Variants in KCNQ5 observed in about 807,000 individuals in gnomAD.
The protein encoded by KCNQ5 is potassium voltage-gated channel subfamily KQT member 5.
KCNQ5 carries 30 observed loss-of-function variants against 98.2 expected under a neutral mutation model. The ratio of observed to expected loss-of-function variants is 0.31; its 90% confidence interval spans 0.23 to 0.41. The LOEUF (loss-of-function observed/expected upper bound fraction) is 0.41. KCNQ5 is among the 10% of genes least tolerant of loss of function. The probability of loss-of-function intolerance (pLI) is 1.00; values close to 1 mark genes in which losing one functional copy is unlikely to be tolerated. For missense variants in KCNQ5, 835 were observed against 1,182.5 expected, an observed-to-expected ratio of 0.71 and a Z score of 4.31; for synonymous variants, 458 against 449.4, an observed-to-expected ratio of 1.02 and a Z score of -0.24.
At chr6:72,640,616 G>A (rs2098926706) in intron 1 of KCNQ5, 1 of 152,034 alleles carries the variant, frequency 6.6e-6, no homozygotes. Context: ...CTTTATTTTT[G>A]AGTGTATAGA....
intron 1 of KCNQ5, among the ~76,000 whole-genome samples, chr6:72,638,153 A>T (rs2098925259): frequency 6.6e-6 from 1 of 152,214 alleles, no homozygotes; most frequent in Non-Finnish European, 1.5e-5. Flanking sequence ...GTGGACTCCT[A>T]TACAGTAGTT....
intron 3 of KCNQ5, chr6:73,055,765 C>A: frequency 1.0e-6 from 1 of 986,946 alleles, no homozygotes; most frequent in Non-Finnish European, 1.6e-6. Context: ...ACTTGAAGCC[C>A]ATCAAGCCCA....
chr6:73,027,075 C>T (rs1471297291), intron 2 of KCNQ5, among the ~76,000 whole-genome samples: 3 of 152,098 alleles, frequency 2.0e-5, no homozygotes, highest in Non-Finnish European at 4.4e-5. Flanking sequence ...CCTTTGCTTC[C>T]CCAAAACTTG....
intron 1 of KCNQ5, among the ~76,000 whole-genome samples, chr6:72,679,714 A>T (rs967683784): frequency 6.8e-6 from 1 of 146,610 alleles, no homozygotes; most frequent in Non-Finnish European, 1.5e-5. Context: ...CCTAAAACTT[A>T]AAGTATAATA....
intron 1 of KCNQ5, among the ~76,000 whole-genome samples, chr6:72,980,174 C>T (rs1236836193): frequency 1.3e-5 from 2 of 151,940 alleles, no homozygotes; most frequent in Non-Finnish European, 2.9e-5. Context: ...TTTTTTGGTT[C>T]CATATGAACT....
Position 73,150,828 on chromosome 6 carries a change from A to ATGTG in KCNQ5, c.1468+17188_1468+17189insGTGT, listed in dbSNP as rs1229605427. Among the ~76,000 whole-genome samples, 318 of 35,272 alleles carry ATGTG rather than the reference A, an allele frequency of 9.0e-3. 2 individuals are homozygous for ATGTG. The highest frequency in any genetic ancestry group is 0.044 in the African/African-American group (305 of 6,876). The allele number at this position is 35,272 out of a possible 152,430, so 23.1% of individuals were successfully genotyped here. On this transcript the variant is annotated intron_variant, in intron 10 of 13. Transcript: ENST00000370398. ...AATGTAGTGTGGGAAGTGTATATAT[A>ATGTG]TATATGTGTGTGTGTGTGTGTGTAT...
intron 1 of KCNQ5, among the ~76,000 whole-genome samples, chr6:72,807,108 A>G (rs762588946): frequency 1.1e-4 from 17 of 152,060 alleles, no homozygotes; most frequent in Non-Finnish European, 2.1e-4. Flanking sequence ...TTTTGATGTC[A>G]GGAAGCCCTA....
At chr6:73,112,963 A>ATTTT (rs59707829) in intron 7 of KCNQ5, among the ~76,000 whole-genome samples, 1 of 149,438 alleles carries the variant, frequency 6.7e-6, no homozygotes. Context: ...ATTTTTTACA[A>ATTTT]TTTTTTTTTT....
chr6:72,643,713 C>T (rs1300366180), intron 1 of KCNQ5, among the ~76,000 whole-genome samples: 1 of 152,142 alleles, frequency 6.6e-6, no homozygotes, highest in Non-Finnish European at 1.5e-5. Flanking sequence ...GATACTCAAA[C>T]CTATCAATCT....
chr6:72,626,369 A>G (rs2098917977), intron 1 of KCNQ5, among the ~76,000 whole-genome samples: 1 of 152,248 alleles, frequency 6.6e-6, no homozygotes, highest in Non-Finnish European at 1.5e-5. Context: ...CAGCTTGAGT[A>G]AAGATATGGA....
At chr6:73,021,674 CT>C (rs1770612273) in intron 2 of KCNQ5, among the ~76,000 whole-genome samples, 1 of 152,148 alleles carries the variant, frequency 6.6e-6, no homozygotes, top group Non-Finnish European at 1.5e-5. Context: ...TTTTTCTCTC[CT>C]GTACTAATAG....
chr6:73,075,417 T>C (rs1325902543), intron 3 of KCNQ5, among the ~76,000 whole-genome samples: 1 of 152,068 alleles, frequency 6.6e-6, no homozygotes, highest in Non-Finnish European at 1.5e-5. Context: ...GAGACAGGGT[T>C]TCACCATGTT....
chr6:72,979,784 T>C (rs1176575232), intron 1 of KCNQ5, among the ~76,000 whole-genome samples: 1 of 152,228 alleles, frequency 6.6e-6, no homozygotes, highest in East Asian at 1.9e-4. Context: ...GCCTAGGTTT[T>C]CTTCTAGGGT....
intron 1 of KCNQ5, among the ~76,000 whole-genome samples, chr6:72,726,353 G>A (rs977621286): frequency 1.3e-5 from 2 of 151,864 alleles, no homozygotes. Flanking sequence ...TGGGACTACA[G>A]GTGCCCACCA....
At chr6:72,733,961 A>G (rs1171432180) in intron 1 of KCNQ5, among the ~76,000 whole-genome samples, 1 of 151,418 alleles carries the variant, frequency 6.6e-6, no homozygotes, top group Non-Finnish European at 1.5e-5. Context: ...TGATTTACAC[A>G]GGGTTGAAGT....
At chr6:72,839,039 A>G (rs1776664349) in intron 1 of KCNQ5, among the ~76,000 whole-genome samples, 1 of 149,644 alleles carries the variant, frequency 6.7e-6, no homozygotes, top group African/African-American at 2.4e-5. Context: ...ATAATGTTTT[A>G]GTTCACTTTT....
At chr6:72,766,065 A>C (rs965644889) in intron 1 of KCNQ5, among the ~76,000 whole-genome samples, 1 of 152,062 alleles carries the variant, frequency 6.6e-6, no homozygotes, top group Admixed American at 6.6e-5. Flanking sequence ...ATAGACAATC[A>C]AGGGGAATTA....
intron 1 of KCNQ5, among the ~76,000 whole-genome samples, chr6:72,925,312 G>T (rs1780586493): frequency 6.6e-6 from 1 of 152,162 alleles, no homozygotes. Context: ...ATCCAAATCT[G>T]TCAACTCAGT....
chr6:73,003,676 C>G (rs1237731793), intron 1 of KCNQ5, among the ~76,000 whole-genome samples: 2 of 152,150 alleles, frequency 1.3e-5, no homozygotes, highest in Non-Finnish European at 2.9e-5. Flanking sequence ...GCCACACACA[C>G]AAACCCACAA....
Sources: allele counts gnomAD v4.1 joint callset (sites outside exome capture counted in the v4.1 genomes callset), GRCh38; gene constraint gnomAD v4.1.1; transcripts MANE v1.5; gene names NCBI Gene and HGNC (gene_info 2026-07-23, HGNC 2026-07-21).